MYO18B: variants seen among roughly 807,000 people sequenced by gnomAD.
MYO18B encodes unconventional myosin-XVIIIb.
In MYO18B, 204 loss-of-function variants were observed where a neutral mutation model predicts 273.0. The ratio of observed to expected loss-of-function variants is 0.75; its 90% CI spans 0.67 to 0.84. MYO18B has a LOEUF of 0.84. Ranked by LOEUF, MYO18B falls within the 40% of genes least tolerant of loss-of-function variation. The pLI, the probability that MYO18B is intolerant of heterozygous loss-of-function variation, is 0.00. For missense variants in MYO18B, 3,212 were observed against 3,287.6 expected, an observed-to-expected ratio of 0.98 and a Z score of 0.56; for synonymous variants, 1,330 against 1,305.7, an observed-to-expected ratio of 1.02 and a Z score of -0.40.
intron 12 of MYO18B, among the ~76,000 whole-genome samples, chr22:25,805,944 T>TC (rs2088454748): frequency 6.6e-6 from 1 of 152,202 alleles, no homozygotes. Context: ...CTCCAGGCAT[T>TC]CCCTGGCCAC....
rs141146962 is a variant in MYO18B at position 25,936,183 on chromosome 22, C to T, written c.5518-9954C>T. 1.0e-3 allele frequency among the ~76,000 whole-genome samples: 158 copies of T among 152,238 alleles called. 6 individuals carry two copies. The East Asian group carries it at 0.029, about 28-fold the overall frequency. ...TAAATGAGACGGGGATCGGGGAGGG[C>T]CTTTTTTGGATGTTTTATCCTGCTT... On this transcript the variant is annotated intron_variant, in intron 34 of 43. Coordinates refer to ENST00000335473, the MANE Select transcript of MYO18B (RefSeq NM_032608.7).
chr22:25,752,417 G>A (rs1250569421), intron 1 of MYO18B, among the ~76,000 whole-genome samples: 1 of 151,532 alleles, frequency 6.6e-6, no homozygotes, highest in Non-Finnish European at 1.5e-5. Flanking sequence ...TCGATCTCCT[G>A]ACCTCGTGAT....
chr22:25,762,247 TC>T (rs1270025070), intron 2 of MYO18B, among the ~76,000 whole-genome samples: 2 of 152,244 alleles, frequency 1.3e-5, no homozygotes, highest in African/African-American at 4.8e-5. Context: ...AGGTCTGCAT[TC>T]ACCAGCTTTA....
At chr22:25,811,528 A>C (rs1242822980) in intron 12 of MYO18B, among the ~76,000 whole-genome samples, 1 of 152,138 alleles carries the variant, frequency 6.6e-6, no homozygotes, top group African/African-American at 2.4e-5. Flanking sequence ...TGAGCATTTA[A>C]CTACATCTAT....
At chr22:26,017,590 G>C (rs1164980782) in intron 42 of MYO18B, among the ~76,000 whole-genome samples, 1 of 152,058 alleles carries the variant, frequency 6.6e-6, no homozygotes, top group Non-Finnish European at 1.5e-5. Context: ...TCCTAAAACT[G>C]TCCTGTATCA....
chr22:25,873,159 T>C (rs2091094779), intron 22 of MYO18B, among the ~76,000 whole-genome samples: 1 of 152,178 alleles, frequency 6.6e-6, no homozygotes, highest in Admixed American at 6.5e-5. Flanking sequence ...TTGCTGACAG[T>C]CAGTCCTGGG....
At chr22:25,955,158 A>G in intron 38 of MYO18B, 21 bp from the exon 39 acceptor site, 1 of 1,570,366 alleles carries the variant, frequency 6.4e-7, no homozygotes, top group Non-Finnish European at 8.7e-7. Flanking sequence ...CAAGGTGGGC[A>G]TGTGTCTCTG....
At chr22:25,945,099 A>C (rs1467217796) in intron 34 of MYO18B, among the ~76,000 whole-genome samples, 2 of 152,206 alleles carry the variant, frequency 1.3e-5, no homozygotes, top group Non-Finnish European at 2.9e-5. Context: ...GGTGTCTCTT[A>C]GCCTTCGAGG....
chr22:25,835,698 C>G (rs2089874381), intron 17 of MYO18B, among the ~76,000 whole-genome samples: 1 of 152,258 alleles, frequency 6.6e-6, no homozygotes, highest in South Asian at 2.1e-4. Context: ...GGGGAAGGCA[C>G]AAGCTCACAG....
chr22:25,797,658 T>C (rs2087978891), intron 11 of MYO18B, among the ~76,000 whole-genome samples: 1 of 152,218 alleles, frequency 6.6e-6, no homozygotes, highest in South Asian at 2.1e-4. Context: ...TGCTCATCTT[T>C]GCATCCCCAG....
chr22:25,762,093 G>T (rs1027012011), intron 2 of MYO18B, among the ~76,000 whole-genome samples: 2 of 150,518 alleles, frequency 1.3e-5, no homozygotes, highest in Non-Finnish European at 2.9e-5. Flanking sequence ...GACAGTGCGA[G>T]ACTCCGTCTC....
At chr22:25,943,123 C>A (rs1395212077) in intron 34 of MYO18B, among the ~76,000 whole-genome samples, 2 of 152,110 alleles carry the variant, frequency 1.3e-5, no homozygotes, top group Non-Finnish European at 2.9e-5. Flanking sequence ...CTCTCTCTTG[C>A]CTCCTGGCTC....
intron 43 of MYO18B, among the ~76,000 whole-genome samples, chr22:26,028,756 C>T (rs963358943): frequency 4.6e-5 from 7 of 152,092 alleles, no homozygotes; most frequent in Admixed American, 1.3e-4. Context: ...AGCGTGGTAG[C>T]GGGTGCCTGT....
At chr22:25,832,548 A>G (rs1185715545) in intron 15 of MYO18B, among the ~76,000 whole-genome samples, 1 of 152,216 alleles carries the variant, frequency 6.6e-6, no homozygotes, top group Non-Finnish European at 1.5e-5. Flanking sequence ...GTATGGTTTC[A>G]CTTACATAAG....
intron 39 of MYO18B, chr22:25,958,968 G>A (rs2092885984): frequency 1.3e-5 from 2 of 152,166 alleles, no homozygotes; most frequent in Admixed American, 6.5e-5. Context: ...GTCAAGCCCT[G>A]TGCTTTATGC....
intron 12 of MYO18B, among the ~76,000 whole-genome samples, chr22:25,803,025 G>A (rs373721472): frequency 1.3e-5 from 2 of 150,214 alleles, no homozygotes; most frequent in African/African-American, 2.4e-5. Context: ...GCAGTGGCGC[G>A]ATCTCTGCTC....
intron 15 of MYO18B, among the ~76,000 whole-genome samples, chr22:25,829,879 A>C (rs1376121065): frequency 1.3e-5 from 2 of 151,794 alleles, no homozygotes; most frequent in Non-Finnish European, 2.9e-5. Context: ...AAAATAAATA[A>C]AATTTACAAA....
chr22:26,042,098 G>A, the MYO18B span, among the ~76,000 whole-genome samples: 1 of 152,200 alleles, frequency 6.6e-6, no homozygotes, highest in Non-Finnish European at 1.5e-5. Flanking sequence ...GAGAGTGATA[G>A]GCCCCCAGGC....
At chr22:25,966,073 A>G (rs2092974658) in intron 39 of MYO18B, among the ~76,000 whole-genome samples, 1 of 152,148 alleles carries the variant, frequency 6.6e-6, no homozygotes, top group Non-Finnish European at 1.5e-5. Flanking sequence ...CTCCTGGAAA[A>G]GACTAAAACA....
Sources: allele counts gnomAD v4.1 joint callset (sites outside exome capture counted in the v4.1 genomes callset), GRCh38; gene constraint gnomAD v4.1.1; transcripts MANE v1.5; gene names NCBI Gene and HGNC (gene_info 2026-07-23, HGNC 2026-07-21).